The following PLA2G2D variants were observed in gnomAD, a reference collection of about 807,000 sequenced individuals.
PLA2G2D encodes the protein group IID secretory phospholipase A2.
Under a neutral mutation model 13.9 loss-of-function variants are expected in PLA2G2D, and 17 were observed. The ratio of observed to expected loss-of-function variants is 1.23; its 90% CI spans 0.84 to 1.84. PLA2G2D has a LOEUF of 1.84. Among genes scored for constraint, PLA2G2D ranks in the 40% most tolerant of loss-of-function variants. PLA2G2D has a pLI of 0.00. For missense variants in PLA2G2D, 194 were observed against 178.7 expected, an observed-to-expected ratio of 1.09 and a Z score of -0.49; for synonymous variants, 83 against 69.3, an observed-to-expected ratio of 1.20 and a Z score of -0.98.
Position 20,116,358 on chromosome 1 carries a change from C to T in PLA2G2D, c.160G>A (p.Gly54Ser), listed in dbSNP as rs761902844. ...YGCHCGLGGR[G>S]QPKDATDWCC... The stretch of plus-strand genomic sequence containing the variant: ...CAGTCCGTGGCATCTTTGGGTTGGC[C>T]TCTGCCACCTAGTCCGCAGTGACAG... The change falls in exon 2 of 4, where the codon GGC (glycine) becomes AGC (serine). Residue 54 changes from glycine (G) to serine (S), a missense_variant. Gly to Ser is a moderately conservative substitution (Grantham distance 56, BLOSUM62 0). Coordinates refer to ENST00000375105, the MANE Select transcript of PLA2G2D (RefSeq NM_012400.4). The T allele has an allele frequency of 6.2e-6, 10 of 1,614,100 alleles. No individual in the cohort carries two copies. Among genetic ancestry groups the T allele is most frequent in the Admixed American group, 1.7e-5 (1 of 60,002 alleles).
intron 1 of PLA2G2D, among the ~76,000 whole-genome samples, chr1:20,118,531 G>A (rs1296985870): frequency 1.3e-5 from 2 of 152,196 alleles, no homozygotes; most frequent in African/African-American, 4.8e-5. Context: ...GTGGGTGGGA[G>A]GAGGTGCCAC....
intron 2 of PLA2G2D, 114 bp from the exon 3 acceptor site, chr1:20,115,727 G>A (rs966084078): frequency 1.4e-6 from 1 of 728,198 alleles, no homozygotes; most frequent in East Asian, 2.5e-5. Flanking sequence ...AAGGCCTGCA[G>A]GGCTGCAGTC....
At chr1:20,115,677 C>T (rs2016972654) in intron 2 of PLA2G2D, 64 bp from the exon 3 acceptor site, 2 of 1,033,302 alleles carry the variant, frequency 1.9e-6, no homozygotes, top group Middle Eastern at 2.4e-4. Context: ...GGCTGCTCCC[C>T]CTACTGGAGA....
intron 3 of PLA2G2D, 31 bp downstream of exon 3, chr1:20,115,476 C>T (rs2016966089): frequency 7.8e-7 from 1 of 1,285,920 alleles, no homozygotes; most frequent in Non-Finnish European, 1.1e-6. Flanking sequence ...CCTGGGGTCT[C>T]CAGCTCCTGC....
Position 20,116,458 on chromosome 1 carries a change from G to A in PLA2G2D, c.60C>T (p.Gly20=), listed in dbSNP as rs746535618. Residue 20 remains glycine, a synonymous_variant, in exon 2 of 4, where the codon GGC becomes GGT. Transcript: ENST00000375105. The part of the protein sequence containing the change: ...VVMAGVIPIQ[G]GILNLNKMVK... ...CCATCTTGTTCAGGTTCAGGATCCC[G>A]CCCTGGATTGGAATCACACCTGCCA... 2.9e-5 allele frequency: 47 copies of A among 1,613,974 alleles called. No individual in the cohort carries two copies. The highest frequency in any genetic ancestry group is 3.5e-5 in the Non-Finnish European group (41 of 1,180,010).
At chr1:20,117,531 A>G (rs948753443) in intron 1 of PLA2G2D, among the ~76,000 whole-genome samples, 13 of 152,198 alleles carry the variant, frequency 8.5e-5, no homozygotes, top group African/African-American at 3.1e-4. Context: ...AGTAAGGGGA[A>G]TTTATTTTAC....
intron 1 of PLA2G2D, 129 bp from the exon 2 acceptor site, chr1:20,116,606 G>A (rs573079260): frequency 3.2e-5 from 24 of 759,722 alleles, no homozygotes; most frequent in Non-Finnish European, 4.6e-5. Context: ...ATAATAAAAC[G>A]ACATCTACTA....
At chr1:20,119,277 A>C (rs1371124083) in intron 1 of PLA2G2D, among the ~76,000 whole-genome samples, 182 bp downstream of exon 1, 1 of 152,166 alleles carries the variant, frequency 6.6e-6, no homozygotes, top group Non-Finnish European at 1.5e-5. Flanking sequence ...TCTCTGGCTG[A>C]AGCTACCATG....
At chr1:20,117,050 A>G (rs2017004373) in intron 1 of PLA2G2D, among the ~76,000 whole-genome samples, 2 of 152,142 alleles carry the variant, frequency 1.3e-5, no homozygotes, top group Non-Finnish European at 1.5e-5. Flanking sequence ...AATTACTGTC[A>G]TATTAAATAA....
intron 3 of PLA2G2D, 140 bp downstream of exon 3, chr1:20,115,367 C>T: frequency 3.0e-6 from 2 of 657,070 alleles, no homozygotes. Flanking sequence ...CCCATTCTTG[C>T]CTCTTCACAG....
rs2016894699 is a variant in PLA2G2D at position 20,111,975 on chromosome 1, T to TTTATTTTATTTTA, written c.*2138_*2139insTAAAATAAAATAA. 1 of 147,048 alleles carries TTTATTTTATTTTA rather than the reference T, an allele frequency of 6.8e-6. No individual in the cohort carries two copies. Among genetic ancestry groups the TTTATTTTATTTTA allele is most frequent in the Admixed American group, 6.7e-5 (1 of 14,862 alleles). The allele number at this position is 147,048 out of a possible 1,614,324, so 9.1% of individuals were successfully genotyped here. A position where few individuals can be genotyped will look rare whatever the true frequency, so the allele number is the denominator to read the frequency against. ...TTTATTTTATTTTATTTTATTTTAT[T>TTTATTTTATTTTA]TTATTTTTTGAGACAGAGTGTCACT... On this transcript the variant is annotated 3_prime_UTR_variant, in exon 4 of 4. Coordinates refer to ENST00000375105, the MANE Select transcript of PLA2G2D (RefSeq NM_012400.4).
rs772074739 is a variant in PLA2G2D at position 20,114,087 on chromosome 1, G to A, written c.*27C>T. On this transcript the variant is annotated 3_prime_UTR_variant, in exon 4 of 4. Coordinates refer to ENST00000375105, the MANE Select transcript of PLA2G2D (RefSeq NM_012400.4). ...GGTGGGGATGCCAGAGCTCCATGCT[G>A]AGGAACAGGGTAGAGGGTGTGGGCT... 20 of 1,603,036 alleles carry A rather than the reference G, an allele frequency of 1.2e-5. No individual in the cohort carries two copies. In the South Asian group the frequency reaches 2.1e-4, roughly 17 times the overall value.
Position 20,115,543 on chromosome 1 carries a change from A to G in PLA2G2D, c.256T>C (p.Tyr86His). 6.2e-7 allele frequency: 1 copy of G among 1,611,436 alleles called. No individual in the cohort carries two copies. Among genetic ancestry groups the G allele is most frequent in the South Asian group, 1.1e-5 (1 of 90,998 alleles). Residue 86 changes from tyrosine (Y) to histidine (H), a missense_variant, in exon 3 of 4, where the codon TAC (tyrosine) becomes CAC (histidine). Transcript: ENST00000375105. ...TQGCSIYKDY[Y>H]RYNFSQGNIH... is the part of the protein sequence containing the mutation. ...TTCCCCTGGGAAAAGTTGTATCTGT[A>G]ATAGTCCTTGTAGATGCTGCACCCC... is the stretch of plus-strand genomic sequence containing the variant.
rs1218512777 is a variant in PLA2G2D, at chr1:20,111,942, T to C, written c.*2172A>G. The stretch of plus-strand genomic sequence containing the variant: ...AGACTTATTTTATTTTATTTTATTT[T>C]ATTTTATTTTATTTTATTTTATTTT... On this transcript the variant is annotated 3_prime_UTR_variant, in exon 4 of 4. Transcript: ENST00000375105. 1 of 143,014 alleles carries C rather than the reference T, an allele frequency of 7.0e-6. No homozygotes were observed. The highest frequency in any genetic ancestry group is 2.6e-5 in the African/African-American group (1 of 38,954). The allele number at this position is 143,014 out of a possible 1,614,324, so 8.9% of individuals were successfully genotyped here. A position where few individuals can be genotyped will look rare whatever the true frequency, so the allele number is the denominator to read the frequency against.
chr1:20,118,433 C>T (rs2017029925), intron 1 of PLA2G2D, among the ~76,000 whole-genome samples: 1 of 152,148 alleles, frequency 6.6e-6, no homozygotes, highest in Admixed American at 6.6e-5. Context: ...ACTGGCTTAG[C>T]TTGTCAGCCG....
rs746953453 is a variant in PLA2G2D, at chr1:20,116,461, C to G, written c.57G>C (p.Gln19His). ...LVVMAGVIPIQGGILNLNKMV... is the reference protein window; with the variant it reads ...LVVMAGVIPIHGGILNLNKMV... ...TCTTGTTCAGGTTCAGGATCCCGCC[C>G]TGGATTGGAATCACACCTGCCAAGC... The change falls in exon 2 of 4, where the codon CAG (glutamine) becomes CAC (histidine). Residue 19 changes from glutamine to histidine, a missense_variant. Coordinates refer to ENST00000375105, the MANE Select transcript of PLA2G2D (RefSeq NM_012400.4). The G allele has an allele frequency of 6.2e-7, 1 of 1,614,104 alleles. No homozygotes were observed. Among genetic ancestry groups the G allele is most frequent in the Non-Finnish European group, 8.5e-7 (1 of 1,180,020 alleles).
At chr1:20,118,862 T>C (rs1352531919) in intron 1 of PLA2G2D, among the ~76,000 whole-genome samples, 4 of 152,202 alleles carry the variant, frequency 2.6e-5, no homozygotes, top group Non-Finnish European at 5.9e-5. Flanking sequence ...CATGTTCCTC[T>C]AGAGAATTTC....
intron 2 of PLA2G2D, 30 bp from the exon 3 acceptor site, chr1:20,115,643 G>T: frequency 7.2e-7 from 1 of 1,393,642 alleles, no homozygotes; most frequent in Non-Finnish European, 1.0e-6. Flanking sequence ...CAGCTGCATG[G>T]GTCCCCAGCC....
Position 20,116,457 on chromosome 1 carries a change from C to T in PLA2G2D, c.61G>A (p.Gly21Arg), listed in dbSNP as rs374873622. Reference sequence around the variant, plus strand: ...ACCATCTTGTTCAGGTTCAGGATCCCGCCCTGGATTGGAATCACACCTGCC... The same window carrying T: ...ACCATCTTGTTCAGGTTCAGGATCCTGCCCTGGATTGGAATCACACCTGCC... Reference protein sequence around the residue: ...VMAGVIPIQGGILNLNKMVKQ... With the variant: ...VMAGVIPIQGRILNLNKMVKQ... The change falls in exon 2 of 4, where the codon GGG (glycine) becomes AGG (arginine). Residue 21 changes from glycine (G) to arginine (R), a missense_variant. Transcript: ENST00000375105. 219 of 1,613,954 alleles carry T rather than the reference C, an allele frequency of 1.4e-4. No homozygotes were observed. In the Middle Eastern group the frequency reaches 1.6e-3, roughly 12 times the overall value.
Sources: allele counts gnomAD v4.1 joint callset (sites outside exome capture counted in the v4.1 genomes callset), GRCh38; gene constraint gnomAD v4.1.1; transcripts MANE v1.5; gene names NCBI Gene and HGNC (gene_info 2026-07-23, HGNC 2026-07-21).